The following ATP13A4 variants were observed in gnomAD, a reference collection of about 807,000 sequenced individuals.
ATP13A4 encodes the protein probable cation-transporting ATPase 13A4.
In ATP13A4, 114 loss-of-function variants were observed where a neutral mutation model predicts 142.5. That is an observed-to-expected ratio of 0.80 (90% CI 0.69 to 0.93). ATP13A4 has a LOEUF of 0.93. ATP13A4 is among the 40% of genes least tolerant of loss of function. The probability of loss-of-function intolerance (pLI) is 0.00; values close to 1 mark genes in which losing one functional copy is unlikely to be tolerated. For synonymous variants in ATP13A4, 488 were observed against 514.8 expected (o/e 0.95, Z 0.70); for missense variants, 1,392 against 1,454.0 (o/e 0.96, Z 0.69).
chr3:193,403,615 G>A (rs900023378), intron 29 of ATP13A4: 1 of 390,306 alleles, frequency 2.6e-6, no homozygotes, highest in Admixed American at 6.4e-5. Context: ...CTGAAATACA[G>A]TATTAAGATT....
intron 2 of ATP13A4, among the ~76,000 whole-genome samples, chr3:193,573,260 C>CATATATATATATATATATATATATAT (rs373692119): frequency 1.3e-5 from 1 of 79,008 alleles, no homozygotes; most frequent in African/African-American, 6.0e-5. Flanking sequence ...ATACCACAGC[C>CATATATATATATATATATATATATAT]ATATATATAT....
chr3:193,503,807 G>A (rs1005727238), intron 2 of ATP13A4, among the ~76,000 whole-genome samples: 7 of 152,106 alleles, frequency 4.6e-5, no homozygotes, highest in African/African-American at 1.7e-4. Flanking sequence ...GTCCAGCTCA[G>A]AGTTTATGTC....
intron 1 of ATP13A4, among the ~76,000 whole-genome samples, chr3:193,542,817 CA>C (rs1328627836): frequency 3.9e-5 from 6 of 152,112 alleles, no homozygotes; most frequent in African/African-American, 1.4e-4. Flanking sequence ...ACACCTTATA[CA>C]AAAATTAACT....
Position 193,474,322 on chromosome 3 carries a change from C to CAAAAA in ATP13A4, c.809-3334_809-3330dup, listed in dbSNP as rs1176133187. Among the ~76,000 whole-genome samples, 102 of 68,994 alleles carry CAAAAA rather than the reference C, an allele frequency of 1.5e-3. 1 individual carries two copies. The highest frequency in any genetic ancestry group is 1.7e-3 in the Admixed American group (9 of 5,186). The allele number at this position is 68,994 out of a possible 152,430, so 45.3% of individuals were successfully genotyped here. On this transcript the variant is annotated intron_variant, in intron 8 of 29. Coordinates refer to ENST00000342695, the MANE Select transcript of ATP13A4 (RefSeq NM_032279.4). ...CTGGTGACAGAGCGAGACTCCGTCT[C>CAAAAA]AAAAAAAAAAAAAAAAAAAAAAAAA...
intron 2 of ATP13A4, among the ~76,000 whole-genome samples, chr3:193,570,686 G>A (rs1724241720): frequency 6.6e-6 from 1 of 152,136 alleles, no homozygotes; most frequent in South Asian, 2.1e-4. Context: ...GAGTAAAGCA[G>A]GGAGGCAGTG....
chr3:193,505,954 A>T (rs1340881186), intron 2 of ATP13A4, among the ~76,000 whole-genome samples: 3 of 152,172 alleles, frequency 2.0e-5, no homozygotes, highest in African/African-American at 7.2e-5. Context: ...ACCAAATTTC[A>T]TGGATGTTTG....
chr3:193,580,741 G>A (rs1410148706), intron 2 of ATP13A4, among the ~76,000 whole-genome samples: 4 of 152,108 alleles, frequency 2.6e-5, no homozygotes, highest in South Asian at 2.1e-4. Context: ...ACCGGTGAGC[G>A]GGGAGGAAAG....
upstream of ATP13A4, among the ~76,000 whole-genome samples, chr3:193,555,508 G>A (rs562022994): frequency 6.6e-5 from 10 of 152,314 alleles, no homozygotes; most frequent in African/African-American, 2.4e-4. Flanking sequence ...CATCAAACTA[G>A]TCTATGTAGT....
chr3:193,532,972 A>C (rs1722410578), intron 1 of ATP13A4, among the ~76,000 whole-genome samples: 1 of 152,232 alleles, frequency 6.6e-6, no homozygotes, highest in Admixed American at 6.5e-5. Context: ...AAAGTGTGTA[A>C]GAAAAAACTT....
chr3:193,438,625 G>A (rs371586156), intron 22 of ATP13A4, 41 bp from the exon 23 acceptor site: 19 of 1,522,280 alleles, frequency 1.2e-5, no homozygotes, highest in Middle Eastern at 1.7e-4. Flanking sequence ...ATAGACTCAC[G>A]TACGTCTCTA....
intron 2 of ATP13A4, among the ~76,000 whole-genome samples, chr3:193,561,833 T>A (rs2108736875): frequency 6.6e-6 from 1 of 152,306 alleles, no homozygotes; most frequent in South Asian, 2.1e-4. Context: ...TCTGTCCCAA[T>A]GGAGGTCTTT....
At chr3:193,468,764 A>G (rs1718451891) in intron 9 of ATP13A4, among the ~76,000 whole-genome samples, 1 of 152,212 alleles carries the variant, frequency 6.6e-6, no homozygotes, top group East Asian at 1.9e-4. Context: ...GAAAGAAACA[A>G]GGAAGTAAGA....
chr3:193,425,360 G>T (rs1362647424), intron 25 of ATP13A4, among the ~76,000 whole-genome samples: 1 of 151,670 alleles, frequency 6.6e-6, no homozygotes, highest in African/African-American at 2.4e-5. Flanking sequence ...CCACTACTGG[G>T]TATGTATCCA....
At chr3:193,408,692 T>G (rs1011447034) in intron 28 of ATP13A4, among the ~76,000 whole-genome samples, 2 of 152,234 alleles carry the variant, frequency 1.3e-5, no homozygotes, top group Non-Finnish European at 2.9e-5. Flanking sequence ...ATCAGACTCA[T>G]TCCTACGAGA....
Position 193,582,967 on chromosome 3 carries a change from AATAT to A in ATP13A4, n.92-1065_92-1062del, listed in dbSNP as rs200727243. ...ATATATGTATATTACATATATATAA[AATAT>A]ATATATGTATATTACATATATATAA... On this transcript the variant is annotated intron_variant and non_coding_transcript_variant, in intron 1 of 3. Transcript: ENST00000489140. Among the ~76,000 whole-genome samples, 2 of 84,392 alleles carry A rather than the reference AATAT, an allele frequency of 2.4e-5. 1 individual carries two copies. Among genetic ancestry groups the A allele is most frequent in the Admixed American group, 2.7e-4 (2 of 7,316 alleles). 55.4% of individuals were successfully genotyped at this position (84,392 alleles called of 152,430 possible). A position where few individuals can be genotyped will look rare whatever the true frequency, so the allele number is the denominator to read the frequency against.
chr3:193,484,720 G>A (rs1719502915), intron 7 of ATP13A4, among the ~76,000 whole-genome samples: 1 of 152,080 alleles, frequency 6.6e-6, no homozygotes, highest in Non-Finnish European at 1.5e-5. Context: ...ACCCATTTGT[G>A]CATTAATCAA....
At position 193,457,036 on chromosome 3, in the gene ATP13A4, G is replaced by T. The variant is rs1717657954; in HGVS notation, c.1879C>A (p.Pro627Thr). ...GDRLAFMKGA[P>T]ERVASFCQPE... ...TGGCAAAAGCTGGCCACCCTCTCTG[G>T]TGCACCTTTCATGAATGCCAGTCGG... is the stretch of plus-strand genomic sequence containing the variant. Residue 627 changes from proline to threonine, a missense_variant, in exon 16 of 30, where the codon CCA (proline) becomes ACA (threonine). Pro to Thr is a conservative substitution (Grantham distance 38, BLOSUM62 -1). Coordinates refer to ENST00000342695, the MANE Select transcript of ATP13A4 (RefSeq NM_032279.4). 1.2e-6 allele frequency: 2 copies of T among 1,613,984 alleles called. No homozygotes were observed. The highest frequency in any genetic ancestry group is 1.7e-5 in the Admixed American group (1 of 59,990).
chr3:193,588,687 C>A (rs1481001581), intron 1 of ATP13A4, among the ~76,000 whole-genome samples: 1 of 152,114 alleles, frequency 6.6e-6, no homozygotes, highest in African/African-American at 2.4e-5. Flanking sequence ...CACTTTATGA[C>A]ACTATAGTCT....
At chr3:193,531,476 A>G (rs529040995) in intron 1 of ATP13A4, among the ~76,000 whole-genome samples, 2 of 152,288 alleles carry the variant, frequency 1.3e-5, no homozygotes, top group Admixed American at 1.3e-4. Flanking sequence ...CACCTGGATC[A>G]CTTTGTCTTC....
Sources: allele counts gnomAD v4.1 joint callset (sites outside exome capture counted in the v4.1 genomes callset), GRCh38; gene constraint gnomAD v4.1.1; transcripts MANE v1.5; gene names NCBI Gene and HGNC (gene_info 2026-07-23, HGNC 2026-07-21).